NDST1: variants seen among roughly 807,000 people sequenced by gnomAD.
NDST1 encodes N-deacetylase and N-sulfotransferase 1, also known as bifunctional heparan sulfate N-deacetylase/N-sulfotransferase 1.
NDST1 carries 35 observed loss-of-function variants against 92.8 expected under a neutral mutation model. That is an observed-to-expected ratio of 0.38 (90% confidence interval 0.29 to 0.50). The LOEUF is 0.50. NDST1 is among the 20% of genes least tolerant of loss of function. The probability of loss-of-function intolerance (pLI) is 0.94; values close to 1 mark genes in which losing one functional copy is unlikely to be tolerated. For synonymous variants in NDST1, 493 were observed against 500.3 expected, an observed-to-expected ratio of 0.99 and a Z score of 0.19; for missense variants, 822 against 1,182.7, an observed-to-expected ratio of 0.69 and a Z score of 4.47.
chr5:150,556,975 C>T lies in NDST1; in HGVS notation c.*3643C>T, dbSNP rs1561614041. 6.6e-6 allele frequency: 1 copy of T among 152,632 alleles called. No individual in the cohort carries two copies. Among genetic ancestry groups the T allele is most frequent in the South Asian group, 2.1e-4 (1 of 4,830 alleles). 9.5% of individuals were successfully genotyped at this position (152,632 alleles called of 1,614,324 possible). A position where few individuals can be genotyped will look rare whatever the true frequency, so the allele number is the denominator to read the frequency against. On this transcript the variant is annotated 3_prime_UTR_variant, in exon 15 of 15. Coordinates refer to ENST00000261797, the MANE Select transcript of NDST1 (RefSeq NM_001543.5). ...CCCTAGGCCTGCTGTCTTTTTGAAG[C>T]CCCACATTCTGAATTTGTCAGATTG...
In NDST1 at chr5:150,544,835, G is replaced by C. The variant is rs1204507955; in HGVS notation, c.1971-477G>C. ...CTGGTCCACAGTGACGGCCTAGAAG[G>C]TGTTCCCCCAGGTCAGGAAAGAAAG... On this transcript the variant is annotated intron_variant, in intron 10 of 14. Transcript: ENST00000261797. Among the ~76,000 whole-genome samples, 3 of 152,304 alleles carry C rather than the reference G, an allele frequency of 2.0e-5. No individual in the cohort carries two copies. The East Asian group carries it at 5.8e-4, about 29-fold the overall frequency.
Position 150,549,756 on chromosome 5 carries a change from A to C in NDST1, c.2395A>C (p.Thr799Pro). ...CATGGTGCAGAAGTTCCTTGGGGTG[A>C]CCAACACCATTGACTACCACAAAAC... is the stretch of plus-strand genomic sequence containing the variant. ...MDMVQKFLGV[T>P]NTIDYHKTLA... is the part of the protein sequence containing the mutation. Residue 799 changes from threonine (T) to proline (P), a missense_variant, in exon 13 of 15, where the codon ACC (threonine) becomes CCC (proline). By Grantham distance (38) the Thr-to-Pro change is conservative. Transcript: ENST00000261797. The C allele has an allele frequency of 6.2e-7, 1 of 1,613,508 alleles. No homozygotes were observed. Among genetic ancestry groups the C allele is most frequent in the African/African-American group, 1.3e-5 (1 of 75,048 alleles).
upstream of NDST1, among the ~76,000 whole-genome samples, chr5:150,506,252 GGCACAC>G (rs1294241718): frequency 6.6e-6 from 1 of 152,158 alleles, no homozygotes; most frequent in African/African-American, 2.4e-5. Context: ...ACTGACTATA[GGCACAC>G]GCCACTACGC....
In NDST1 at chr5:150,545,340, A is replaced by G; in HGVS notation, c.1999A>G (p.Asn667Asp). ...WYMEFFPIPS[N>D]TTSDFYFEKS... The stretch of plus-strand genomic sequence containing the variant: ...CATGGAGTTCTTCCCCATCCCTTCC[A>G]ACACCACCTCCGACTTCTACTTTGA... The change falls in exon 11 of 15, where the codon AAC (asparagine) becomes GAC (aspartate). Residue 667 changes from asparagine to aspartate, a missense_variant. Physicochemically the swap from Asn to Asp is conservative, Grantham distance 23. Transcript: ENST00000261797. The G allele has an allele frequency of 6.2e-7, 1 of 1,614,146 alleles. No individual in the cohort carries two copies. The highest frequency in any genetic ancestry group is 8.5e-7 in the Non-Finnish European group (1 of 1,180,026).
At chr5:150,532,251 G>T (rs138062842) in intron 3 of NDST1, among the ~76,000 whole-genome samples, 1 of 152,246 alleles carries the variant, frequency 6.6e-6, no homozygotes, top group African/African-American at 2.4e-5. Flanking sequence ...GCATACATGC[G>T]GTTATCTTAC....
rs375594313 is a variant in NDST1, at chr5:150,521,049, C to T, written c.-206C>T. Reference sequence around the variant, plus strand: ...AAAGGGGCGCGGAGGAAGGAAGGAGCGTGACCAGCCTGTGGACTGCGCCCC... The same window carrying T: ...AAAGGGGCGCGGAGGAAGGAAGGAGTGTGACCAGCCTGTGGACTGCGCCCC... On this transcript the variant is annotated 5_prime_UTR_variant, in exon 2 of 15. Transcript: ENST00000261797. The surrounding 1 kb of genome is among the most constrained non-coding windows in gnomAD (Gnocchi z 5.9). 3.5e-3 allele frequency: 2,131 copies of T among 602,806 alleles called. 45 individuals carry two copies. Among genetic ancestry groups the T allele is most frequent in the South Asian group, 0.032 (1,619 of 50,248 alleles). The allele number at this position is 602,806 out of a possible 1,614,324, so 37.3% of individuals were successfully genotyped here.
In NDST1 at chr5:150,541,678, T is replaced by C. The variant is rs1415753016; in HGVS notation, c.1846+12T>C. On this transcript the variant is annotated intron_variant, in intron 9 of 14. Coordinates refer to ENST00000261797, the MANE Select transcript of NDST1 (RefSeq NM_001543.5). ...CCCCCAGAAAACAGGCAGGTCTCTC[T>C]GCTCTTGACCGAGCTTCCCCAACTG... The C allele has an allele frequency of 6.2e-7, 1 of 1,613,440 alleles. No homozygotes were observed. Among genetic ancestry groups the C allele is most frequent in the Non-Finnish European group, 8.5e-7 (1 of 1,179,340 alleles).
chr5:150,530,591 T>C, intron 3 of NDST1, among the ~76,000 whole-genome samples: 1 of 144,416 alleles, frequency 6.9e-6, no homozygotes, highest in East Asian at 2.0e-4. Context: ...TGAGATAGAG[T>C]CTTACTCTGC....
Position 150,542,856 on chromosome 5 carries a change from GC to G in NDST1, c.1858del (p.Leu620SerfsTer11). The G allele has an allele frequency of 6.2e-7, 1 of 1,614,116 alleles. No homozygotes were observed. Among genetic ancestry groups the G allele is most frequent in the Non-Finnish European group, 8.5e-7 (1 of 1,179,978 alleles). ...GTCTACCCTCCCCACAGGCACCACT[GC>G]CCTCTACCTGTTCCTGGGCATGCAC... Reference protein sequence around the residue: ...IIGPQKTGTTALYLFLGMHPD... With the variant: ...IIGPQKTGTTXLYLFLGMHPD... On this transcript the variant is annotated frameshift_variant, in exon 10 of 15. Coordinates refer to ENST00000261797, the MANE Select transcript of NDST1 (RefSeq NM_001543.5). LOFTEE classifies it high-confidence loss of function.
In NDST1 at chr5:150,540,253, C is replaced by A; in HGVS notation, c.1738C>A (p.Pro580Thr). The change falls in exon 8 of 15, where the codon CCG becomes ACG. Residue 580 changes from proline to threonine, a missense_variant. Coordinates refer to ENST00000261797, the MANE Select transcript of NDST1 (RefSeq NM_001543.5). ...CCAGATCTTCTCCGAGGAGAAGGAC[C>A]CGCTCTGGCAGGTGGGGGGCTGGGC... is the stretch of plus-strand genomic sequence containing the variant. Reference protein sequence around the residue: ...YFQIFSEEKDPLWQDPCEDKR... With the variant: ...YFQIFSEEKDTLWQDPCEDKR... The A allele has an allele frequency of 6.2e-7, 1 of 1,606,778 alleles. No homozygotes were observed. The highest frequency in any genetic ancestry group is 1.1e-5 in the South Asian group (1 of 90,540).
intron 1 of NDST1, among the ~76,000 whole-genome samples, chr5:150,513,788 T>TCC (rs1347189875): frequency 6.6e-6 from 1 of 152,224 alleles, no homozygotes; most frequent in African/African-American, 2.4e-5. Context: ...GACAGCTTGC[T>TCC]CCTGTAAGAA....
upstream of NDST1, among the ~76,000 whole-genome samples, chr5:150,506,000 C>T (rs993881455): frequency 4.6e-5 from 7 of 152,114 alleles, no homozygotes; most frequent in African/African-American, 1.7e-4. Context: ...TGGTACTTGC[C>T]TGAGGTCACA....
intron 2 of NDST1, among the ~76,000 whole-genome samples, chr5:150,523,576 C>T (rs1437647296): frequency 1.3e-5 from 2 of 152,222 alleles, no homozygotes; most frequent in Non-Finnish European, 2.9e-5. Flanking sequence ...GCAGTCCGGC[C>T]CCAGAGGCCT....
In NDST1 at chr5:150,549,766, T is replaced by TTGAC; in HGVS notation, c.2407_2410dup (p.Tyr804Ter). On this transcript the variant is annotated frameshift_variant, in exon 13 of 15. Coordinates refer to ENST00000261797, the MANE Select transcript of NDST1 (RefSeq NM_001543.5). LOFTEE classifies it high-confidence loss of function. ...AAGTTCCTTGGGGTGACCAACACCA[T>TTGAC]TGACTACCACAAAACCTTGGCGTGA... 2 of 1,612,008 alleles carry TTGAC rather than the reference T, an allele frequency of 1.2e-6. No individual in the cohort carries two copies. The highest frequency in any genetic ancestry group is 1.7e-6 in the Non-Finnish European group (2 of 1,178,046).
Position 150,521,361 on chromosome 5 carries a change from A to G in NDST1, c.107A>G (p.Tyr36Cys). 1 of 1,613,616 alleles carries G rather than the reference A, an allele frequency of 6.2e-7. No individual in the cohort carries two copies. The highest frequency in any genetic ancestry group is 2.2e-5 in the East Asian group (1 of 44,836). Residue 36 changes from tyrosine to cysteine, a missense_variant, in exon 2 of 15, where the codon TAC (tyrosine) becomes TGC (cysteine). Coordinates refer to ENST00000261797, the MANE Select transcript of NDST1 (RefSeq NM_001543.5). The surrounding 1 kb of genome is among the most constrained non-coding windows in gnomAD (Gnocchi z 5.9). ...FCLFSVFISA[Y>C]YLYGWKRGLE... ...CTGTTCAGCGTTTTCATCTCGGCCTACTACCTATATGGCTGGAAGCGAGGC... is the reference window on the plus strand; with the variant it reads ...CTGTTCAGCGTTTTCATCTCGGCCTGCTACCTATATGGCTGGAAGCGAGGC...
chr5:150,523,613 C>T (rs1754339464), intron 2 of NDST1, among the ~76,000 whole-genome samples: 1 of 152,182 alleles, frequency 6.6e-6, no homozygotes, highest in African/African-American at 2.4e-5. Context: ...GTGATGAGTC[C>T]AGGAGCCTCA....
At chr5:150,502,994 C>T (rs1753299753) in intron 1 of NDST1, among the ~76,000 whole-genome samples, 1 of 152,116 alleles carries the variant, frequency 6.6e-6, no homozygotes, top group African/African-American at 2.4e-5. Flanking sequence ...TGGGGTCAGG[C>T]AGGCATGGGC....
intron 2 of NDST1, among the ~76,000 whole-genome samples, chr5:150,525,377 C>T (rs756086688): frequency 1.2e-4 from 19 of 152,184 alleles, no homozygotes; most frequent in South Asian, 2.1e-4. Context: ...TCAGCACCCG[C>T]GGTCCAGTGT....
intron 1 of NDST1, among the ~76,000 whole-genome samples, chr5:150,514,929 G>T (rs1753892057): frequency 6.6e-6 from 1 of 152,212 alleles, no homozygotes; most frequent in African/African-American, 2.4e-5. Flanking sequence ...TGGCACCCGG[G>T]CACTGGGGGA....
Sources: gnomAD v4.1 joint callset for allele counts (sites outside exome capture counted in the v4.1 genomes callset) on GRCh38, gnomAD v4.1.1 for gene constraint, Gnocchi (gnomAD v3.1) non-coding constraint, MANE v1.5 for transcripts, NCBI Gene and HGNC (gene_info 2026-07-23, HGNC 2026-07-21) for gene names.